Variants in STXBP6 observed in about 807,000 individuals in gnomAD.
STXBP6 encodes syntaxin-binding protein 6.
In STXBP6, 21 loss-of-function variants were observed where a neutral mutation model predicts 26.9. The ratio of observed to expected loss-of-function variants is 0.78; its 90% CI spans 0.55 to 1.12. The LOEUF (loss-of-function observed/expected upper bound fraction) is 1.12. Among genes scored for constraint, STXBP6 ranks in the 50% most tolerant of loss-of-function variants. STXBP6 has a pLI of 0.00. For missense variants in STXBP6, 232 were observed against 257.9 expected, an observed-to-expected ratio of 0.90 and a Z score of 0.69; for synonymous variants, 97 against 92.6, an observed-to-expected ratio of 1.05 and a Z score of -0.27.
intron 2 of STXBP6, among the ~76,000 whole-genome samples, chr14:24,895,579 C>T (rs2070958788): frequency 6.6e-6 from 1 of 152,128 alleles, no homozygotes; most frequent in South Asian, 2.1e-4. Flanking sequence ...GAGGTCCAGA[C>T]ACATACAGGA....
rs751915855 is a variant in STXBP6, at chr14:24,819,346, T to G, written c.452-152A>C. Reference sequence around the variant, plus strand: ...CTAGGAAACAAGCCGACATTTCTTTTGATTGGGTTTGACTGACGCACTTGC... The same window carrying G: ...CTAGGAAACAAGCCGACATTTCTTTGGATTGGGTTTGACTGACGCACTTGC... On this transcript the variant is annotated intron_variant, in intron 4 of 5. Transcript: ENST00000323944. 1.8e-5 allele frequency: 16 copies of G among 870,394 alleles called. No homozygotes were observed. The South Asian group carries it at 2.4e-4, about 13-fold the overall frequency. The allele number at this position is 870,394 out of a possible 1,614,324, so 53.9% of individuals were successfully genotyped here.
intron 1 of STXBP6, among the ~76,000 whole-genome samples, chr14:25,002,622 G>A (rs1344160837): frequency 3.3e-5 from 5 of 151,986 alleles, no homozygotes; most frequent in East Asian, 1.9e-4. Flanking sequence ...GCCTCTCAAA[G>A]TGCTGGGATT....
At chr14:25,002,358 A>AATTTTTTTTTTTTTTTTTT (rs1566552415) in intron 1 of STXBP6, among the ~76,000 whole-genome samples, 1 of 110,222 alleles carries the variant, frequency 9.1e-6, no homozygotes, top group East Asian at 2.2e-4. Flanking sequence ...AATTCTTATG[A>AATTTTTTTTTTTTTTTTTT]CTTTTTTTTT....
chr14:24,923,008 A>T lies in STXBP6; in HGVS notation c.154+51657T>A, dbSNP rs148015436. On this transcript the variant is annotated intron_variant, in intron 2 of 5. Coordinates refer to ENST00000323944, the MANE Select transcript of STXBP6 (RefSeq NM_001394410.1). ...TGAAATATTTCCAACATTGAAAAAGATATAGAGAATAAATACTCAAGTATC... is the reference window on the plus strand; with the variant it reads ...TGAAATATTTCCAACATTGAAAAAGTTATAGAGAATAAATACTCAAGTATC... Among the ~76,000 whole-genome samples, 1,238 of 152,230 alleles carry T rather than the reference A, an allele frequency of 8.1e-3. 18 individuals carry two copies. The highest frequency in any genetic ancestry group is 0.029 in the African/African-American group (1,198 of 41,546).
chr14:24,905,708 C>A (rs1186474868), intron 2 of STXBP6, among the ~76,000 whole-genome samples: 5 of 152,204 alleles, frequency 3.3e-5, no homozygotes, highest in Non-Finnish European at 7.3e-5. Context: ...AAAATGCTGT[C>A]TTTCATTTAC....
intron 2 of STXBP6, among the ~76,000 whole-genome samples, chr14:24,910,560 A>G: frequency 6.6e-6 from 1 of 152,214 alleles, no homozygotes; most frequent in South Asian, 2.1e-4. Flanking sequence ...GAGGTTAGGT[A>G]TGGTATGCTC....
chr14:25,009,588 C>T (rs571793805), intron 1 of STXBP6, among the ~76,000 whole-genome samples: 12 of 152,280 alleles, frequency 7.9e-5, no homozygotes, highest in East Asian at 3.9e-4. Flanking sequence ...GTGAGGAGCA[C>T]GCCATCGCCA....
chr14:24,933,099 T>TG, intron 2 of STXBP6, among the ~76,000 whole-genome samples: 2 of 152,318 alleles, frequency 1.3e-5, no homozygotes, highest in South Asian at 2.1e-4. Flanking sequence ...CCCAGCACTG[T>TG]GGAGGCCAAG....
chr14:24,951,691 A>T (rs1354115749), intron 2 of STXBP6, among the ~76,000 whole-genome samples: 1 of 152,124 alleles, frequency 6.6e-6, no homozygotes, highest in Non-Finnish European at 1.5e-5. Context: ...TTCTTCATTT[A>T]AAAAATTTCT....
intron 2 of STXBP6, among the ~76,000 whole-genome samples, chr14:24,951,194 A>C (rs2073157945): frequency 6.6e-6 from 1 of 152,180 alleles, no homozygotes; most frequent in African/African-American, 2.4e-5. Flanking sequence ...GTGCTGCAAT[A>C]AACATACGTG....
chr14:24,900,882 C>T (rs1227654366), intron 2 of STXBP6, among the ~76,000 whole-genome samples: 1 of 152,162 alleles, frequency 6.6e-6, no homozygotes, highest in Non-Finnish European at 1.5e-5. Flanking sequence ...TGTGACTAAA[C>T]ATCAGAAATA....
intron 2 of STXBP6, among the ~76,000 whole-genome samples, chr14:24,858,575 C>T (rs2069422804): frequency 6.6e-6 from 1 of 152,160 alleles, no homozygotes; most frequent in African/African-American, 2.4e-5. Flanking sequence ...TTAACACCCA[C>T]AATCAGATGA....
At chr14:24,899,576 T>A (rs554115771) in intron 2 of STXBP6, among the ~76,000 whole-genome samples, 1 of 148,384 alleles carries the variant, frequency 6.7e-6, no homozygotes, top group African/African-American at 2.5e-5. Context: ...AGGTCAGGAG[T>A]TCAAGACCAG....
intron 2 of STXBP6, among the ~76,000 whole-genome samples, chr14:24,966,113 G>A (rs2073725010): frequency 6.6e-6 from 1 of 152,214 alleles, no homozygotes; most frequent in Admixed American, 6.5e-5. Context: ...TGTGGTGGGA[G>A]AGCACACAGA....
intron 1 of STXBP6, among the ~76,000 whole-genome samples, chr14:24,987,519 T>A (rs2074363272): frequency 6.6e-6 from 1 of 152,260 alleles, no homozygotes; most frequent in South Asian, 2.1e-4. Flanking sequence ...CATCAGCATG[T>A]CAGCTTCTTA....
At chr14:25,013,963 T>C (rs1256095427) in intron 1 of STXBP6, among the ~76,000 whole-genome samples, 1 of 152,210 alleles carries the variant, frequency 6.6e-6, no homozygotes, top group Non-Finnish European at 1.5e-5. Flanking sequence ...ATGGCATTAA[T>C]AGTATTAAAA....
At chr14:24,934,639 C>G (rs2072533931) in intron 2 of STXBP6, among the ~76,000 whole-genome samples, 1 of 151,952 alleles carries the variant, frequency 6.6e-6, no homozygotes, top group African/African-American at 2.4e-5. Context: ...CATTAACATA[C>G]AGAACTAAGA....
chr14:24,814,719 G>A (rs1395632573), intron 5 of STXBP6, among the ~76,000 whole-genome samples: 1 of 152,222 alleles, frequency 6.6e-6, no homozygotes, highest in African/African-American at 2.4e-5. Flanking sequence ...CCCCCAAGGT[G>A]ATACTATTAG....
At chr14:24,928,392 G>GTT (rs371068134) in intron 2 of STXBP6, among the ~76,000 whole-genome samples, 35 of 150,498 alleles carry the variant, frequency 2.3e-4, no homozygotes, top group South Asian at 8.4e-4. Flanking sequence ...CTTTTTTTTT[G>GTT]TTTTTTTCCT....
Sources: allele counts gnomAD v4.1 joint callset (sites outside exome capture counted in the v4.1 genomes callset), GRCh38; gene constraint gnomAD v4.1.1; transcripts MANE v1.5; gene names NCBI Gene and HGNC (gene_info 2026-07-23, HGNC 2026-07-21).